Variants in STARD13 observed in about 807,000 individuals in gnomAD.
STARD13 encodes the protein StAR related lipid transfer domain containing 13.
Under a neutral mutation model 106.4 loss-of-function variants are expected in STARD13, and 62 were observed. That is an observed-to-expected ratio of 0.58 (90% CI 0.48 to 0.72). STARD13 has a LOEUF of 0.72. Among genes scored for constraint, STARD13 ranks in the 30% least tolerant of loss-of-function variants. The pLI is 0.00. For missense variants in STARD13, 1,387 were observed against 1,424.0 expected (o/e 0.97, Z 0.42); for synonymous variants, 565 against 553.0 (o/e 1.02, Z -0.31).
the STARD13 span, among the ~76,000 whole-genome samples, chr13:33,430,325 G>A: frequency 1.3e-5 from 2 of 152,190 alleles, no homozygotes; most frequent in Non-Finnish European, 1.5e-5. Context: ...CACATTGCAT[G>A]CCTCTATCAA....
rs145780856 is a variant in STARD13 at position 33,294,522 on chromosome 13, T to C, written c.124+55768A>G. The stretch of plus-strand genomic sequence containing the variant: ...GTGGACTCAAACTGCATCTGGGTTA[T>C]CAACCATCTCTGTTTCTTCATGCTC... On this transcript the variant is annotated intron_variant, in intron 1 of 5. Transcript: ENST00000567873. Among the ~76,000 whole-genome samples, 697 of 152,346 alleles carry C rather than the reference T, an allele frequency of 4.6e-3. 5 individuals are homozygous for C. The highest frequency in any genetic ancestry group is 0.015 in the African/African-American group (627 of 41,592).
At chr13:33,412,064 C>T in the STARD13 span, among the ~76,000 whole-genome samples, 1 of 152,192 alleles carries the variant, frequency 6.6e-6, no homozygotes, top group African/African-American at 2.4e-5. Flanking sequence ...TCATTCTCCT[C>T]TTGTGTCTTC....
chr13:33,224,849 C>G (rs759943073), intron 1 of STARD13, among the ~76,000 whole-genome samples: 1 of 152,110 alleles, frequency 6.6e-6, no homozygotes, highest in African/African-American at 2.4e-5. Flanking sequence ...GTACATTTTC[C>G]TCTCGTAACT....
At chr13:33,597,155 A>AC in the STARD13 span, among the ~76,000 whole-genome samples, 1 of 152,198 alleles carries the variant, frequency 6.6e-6, no homozygotes, top group Non-Finnish European at 1.5e-5. Flanking sequence ...TACATTCCCA[A>AC]CAGTGTATGA....
chr13:33,572,807 T>C, the STARD13 span, among the ~76,000 whole-genome samples: 4 of 152,156 alleles, frequency 2.6e-5, no homozygotes, highest in Admixed American at 2.6e-4. Flanking sequence ...TGTATAGGCA[T>C]TATATTAGGT....
At chr13:33,115,861 T>A (rs1875294959) in intron 8 of STARD13, among the ~76,000 whole-genome samples, 1 of 152,222 alleles carries the variant, frequency 6.6e-6, no homozygotes. Context: ...GACAATTATA[T>A]TGTGACCTTA....
At chr13:33,199,268 G>A (rs1276254154) in intron 1 of STARD13, among the ~76,000 whole-genome samples, 2 of 152,116 alleles carry the variant, frequency 1.3e-5, no homozygotes, top group African/African-American at 4.8e-5. Flanking sequence ...CTTGAATTGT[G>A]TCCATATCTG....
At chr13:33,199,332 A>T (rs1448743206) in intron 1 of STARD13, among the ~76,000 whole-genome samples, 1 of 152,236 alleles carries the variant, frequency 6.6e-6, no homozygotes, top group African/African-American at 2.4e-5. Flanking sequence ...TCTCCTTTTC[A>T]TAGTTCCTTT....
rs1877153697 is a variant in STARD13, at chr13:33,126,249, T to C, written c.1923-9A>G. 1 of 1,613,066 alleles carries C rather than the reference T, an allele frequency of 6.2e-7. No homozygotes were observed. Among genetic ancestry groups the C allele is most frequent in the Non-Finnish European group, 8.5e-7 (1 of 1,179,392 alleles). ...TGAACTTTGGAACTGACCTAGAATT[T>C]ACAGAAACCAGGTCATGCAAGCCTC... On this transcript the variant is annotated splice_polypyrimidine_tract_variant and intron_variant, in intron 6 of 13. Coordinates refer to ENST00000336934, the MANE Select transcript of STARD13 (RefSeq NM_178006.4).
At chr13:33,439,600 T>G in the STARD13 span, 1 of 577,320 alleles carries the variant, frequency 1.7e-6, no homozygotes. Flanking sequence ...TCAGCAACAC[T>G]TATGGCATGT....
chr13:33,604,858 A>G, the STARD13 span, among the ~76,000 whole-genome samples: 9 of 152,100 alleles, frequency 5.9e-5, no homozygotes, highest in African/African-American at 2.2e-4. Context: ...TCTGTATTTA[A>G]CTAAACAATA....
chr13:33,140,762 C>CTTTTTTTTTTTTTT (rs1190491022), intron 4 of STARD13, among the ~76,000 whole-genome samples: 1 of 142,304 alleles, frequency 7.0e-6, no homozygotes, highest in African/African-American at 2.7e-5. Context: ...ACTTTCTTTT[C>CTTTTTTTTTTTTTT]TTTCTTTTTT....
At chr13:33,525,316 C>T in the STARD13 span, among the ~76,000 whole-genome samples, 3 of 151,994 alleles carry the variant, frequency 2.0e-5, no homozygotes, top group African/African-American at 7.2e-5. Context: ...AGTCACCCTG[C>T]CTGCCTCCAA....
intron 1 of STARD13, among the ~76,000 whole-genome samples, chr13:33,216,563 G>A (rs987758504): frequency 2.0e-5 from 3 of 152,120 alleles, no homozygotes; most frequent in African/African-American, 4.8e-5. Context: ...GGACTCTGGG[G>A]GAAAGGGTGG....
chr13:33,262,318 C>T (rs1312259936), intron 1 of STARD13, among the ~76,000 whole-genome samples: 3 of 152,166 alleles, frequency 2.0e-5, no homozygotes, highest in Non-Finnish European at 2.9e-5. Flanking sequence ...CTGCCTGCCT[C>T]GGTCCTGCCT....
chr13:33,476,589 CT>C, the STARD13 span, among the ~76,000 whole-genome samples: 1 of 152,098 alleles, frequency 6.6e-6, no homozygotes, highest in Non-Finnish European at 1.5e-5. Flanking sequence ...AATTGTCTTG[CT>C]TTGATAAGTT....
the STARD13 span, among the ~76,000 whole-genome samples, chr13:33,657,734 G>A: frequency 2.0e-5 from 3 of 152,188 alleles, no homozygotes; most frequent in Non-Finnish European, 4.4e-5. Flanking sequence ...AAGTCAGTGA[G>A]TAGTTGTGCT....
chr13:33,496,550 A>AAAATTTGTTTAGGTCAGACATTTGTGT, the STARD13 span, among the ~76,000 whole-genome samples: 1 of 152,000 alleles, frequency 6.6e-6, no homozygotes, highest in South Asian at 2.1e-4. Flanking sequence ...ACATGTTATA[A>AAAATTTGTTTAGGTCAGACATTTGTGT]AAATTTGTTT....
At chr13:33,110,207 G>T in intron 11 of STARD13, 117 bp from the exon 12 acceptor site, 1 of 828,092 alleles carries the variant, frequency 1.2e-6, no homozygotes, top group Non-Finnish European at 1.9e-6. Flanking sequence ...AACCATCACT[G>T]ATTATGTAAA....
Sources: gnomAD v4.1 joint callset for allele counts (sites outside exome capture counted in the v4.1 genomes callset) on GRCh38, gnomAD v4.1.1 for gene constraint, MANE v1.5 for transcripts, NCBI Gene and HGNC (gene_info 2026-07-23, HGNC 2026-07-21) for gene names.